ADGRL2: variants seen among roughly 807,000 people sequenced by gnomAD.
The protein encoded by ADGRL2 is adhesion G protein-coupled receptor L2, also known as calcium-independent alpha-latrotoxin receptor 2.
Under a neutral mutation model 157.4 loss-of-function variants are expected in ADGRL2, and 44 were observed. The ratio of observed to expected loss-of-function variants is 0.28; its 90% CI spans 0.22 to 0.36. The LOEUF is 0.36. ADGRL2 is among the 10% of genes least tolerant of loss of function. The pLI is 1.00. For missense variants in ADGRL2, 1,510 were observed against 1,768.9 expected, an observed-to-expected ratio of 0.85 and a Z score of 2.63; for synonymous variants, 585 against 624.7, an observed-to-expected ratio of 0.94 and a Z score of 0.95.
chr1:81,728,674 T>C (rs2084620088), intron 1 of ADGRL2, among the ~76,000 whole-genome samples: 1 of 152,184 alleles, frequency 6.6e-6, no homozygotes, highest in Admixed American at 6.5e-5. Flanking sequence ...AAACATCTCA[T>C]GGGGCTGTCT....
chr1:81,420,996 C>T (rs1206106789), intron 1 of ADGRL2, among the ~76,000 whole-genome samples: 2 of 152,144 alleles, frequency 1.3e-5, no homozygotes, highest in African/African-American at 2.4e-5. Context: ...GACAGAAGGG[C>T]CAAGACTGAA....
At chr1:81,569,272 C>T (rs757092878) in intron 2 of ADGRL2, among the ~76,000 whole-genome samples, 3 of 152,012 alleles carry the variant, frequency 2.0e-5, no homozygotes, top group African/African-American at 4.8e-5. Flanking sequence ...CATTTTTCCA[C>T]GAGACAATTA....
intron 3 of ADGRL2, among the ~76,000 whole-genome samples, chr1:81,691,059 C>T (rs753102570): frequency 7.2e-5 from 11 of 152,198 alleles, no homozygotes; most frequent in Non-Finnish European, 1.6e-4. Context: ...AAAGAGTACA[C>T]ATTCCACAGA....
chr1:81,582,527 T>A (rs2080937049), intron 3 of ADGRL2, among the ~76,000 whole-genome samples: 1 of 151,802 alleles, frequency 6.6e-6, no homozygotes. Flanking sequence ...GCATCAAAAG[T>A]ATAAAGGTGA....
At chr1:81,461,173 A>C (rs1216228664) in intron 2 of ADGRL2, among the ~76,000 whole-genome samples, 1 of 152,094 alleles carries the variant, frequency 6.6e-6, no homozygotes, top group Non-Finnish European at 1.5e-5. Context: ...GATATTTCTA[A>C]GTTTTTAAAG....
chr1:81,839,552 C>T (rs1368895429), intron 2 of ADGRL2, among the ~76,000 whole-genome samples: 1 of 151,648 alleles, frequency 6.6e-6, no homozygotes, highest in Non-Finnish European at 1.5e-5. Flanking sequence ...CCCCCCAAGT[C>T]CCCAGAATCC....
chr1:81,451,884 T>C (rs1008738954), intron 2 of ADGRL2, among the ~76,000 whole-genome samples: 2 of 152,216 alleles, frequency 1.3e-5, no homozygotes, highest in Admixed American at 1.3e-4. Context: ...CACGGCATTA[T>C]AAAATAATAC....
At chr1:81,953,864 A>G (rs1557989880) in intron 10 of ADGRL2, among the ~76,000 whole-genome samples, 1 of 152,224 alleles carries the variant, frequency 6.6e-6, no homozygotes, top group Non-Finnish European at 1.5e-5. Context: ...TGTGACAAGA[A>G]AACAAAAGAA....
intron 15 of ADGRL2, 115 bp downstream of exon 15, chr1:81,969,502 C>A: frequency 1.5e-6 from 1 of 653,402 alleles, no homozygotes; most frequent in Non-Finnish European, 2.6e-6. Context: ...AGAATTGATA[C>A]GGCAATATTG....
chr1:81,762,816 G>C (rs1331955833), intron 2 of ADGRL2, among the ~76,000 whole-genome samples: 1 of 152,030 alleles, frequency 6.6e-6, no homozygotes, highest in Non-Finnish European at 1.5e-5. Flanking sequence ...ACTTTGAGAG[G>C]CCGAGGCAGG....
chr1:81,594,494 T>C (rs1451039795), intron 3 of ADGRL2, among the ~76,000 whole-genome samples: 1 of 152,226 alleles, frequency 6.6e-6, no homozygotes, highest in Non-Finnish European at 1.5e-5. Flanking sequence ...AGTTTCCTTA[T>C]TATAAGGAAA....
At chr1:81,573,909 A>T (rs1402523430) in intron 2 of ADGRL2, among the ~76,000 whole-genome samples, 1 of 152,172 alleles carries the variant, frequency 6.6e-6, no homozygotes, top group East Asian at 1.9e-4. Context: ...AGACAACAAT[A>T]GTTTTTCAAT....
At chr1:81,407,409 T>C (rs1349377786) in intron 1 of ADGRL2, among the ~76,000 whole-genome samples, 1 of 152,186 alleles carries the variant, frequency 6.6e-6, no homozygotes, top group Non-Finnish European at 1.5e-5. Flanking sequence ...GAGACCCAAT[T>C]CCATCCTGAA....
chr1:81,713,945 T>C (rs1486884921), intron 1 of ADGRL2, among the ~76,000 whole-genome samples: 1 of 152,188 alleles, frequency 6.6e-6, no homozygotes, highest in Non-Finnish European at 1.5e-5. Flanking sequence ...CAGTTCCACA[T>C]GGCTGGGGAG....
At chr1:81,676,692 A>T (rs930132187) in intron 3 of ADGRL2, among the ~76,000 whole-genome samples, 3 of 151,258 alleles carry the variant, frequency 2.0e-5, no homozygotes, top group Non-Finnish European at 4.4e-5. Context: ...ATTTTATTTT[A>T]TTTTATTTTT....
intron 2 of ADGRL2, among the ~76,000 whole-genome samples, chr1:81,860,345 A>C (rs1329311944): frequency 6.6e-6 from 1 of 152,064 alleles, no homozygotes; most frequent in African/African-American, 2.4e-5. Flanking sequence ...TTATTTATTA[A>C]CTTCCTATTT....
chr1:81,651,719 T>C (rs926089165), intron 3 of ADGRL2, among the ~76,000 whole-genome samples: 1 of 152,066 alleles, frequency 6.6e-6, no homozygotes, highest in Non-Finnish European at 1.5e-5. Flanking sequence ...AACCAGGAGA[T>C]TTTGTTTGTT....
At chr1:81,378,348 C>T (rs920333546) in intron 1 of ADGRL2, among the ~76,000 whole-genome samples, 2 of 151,710 alleles carry the variant, frequency 1.3e-5, no homozygotes, top group Non-Finnish European at 2.9e-5. Context: ...CCCAGGAGTT[C>T]GAGACCAGCC....
chr1:81,442,762 G>C (rs1234669587), intron 1 of ADGRL2, among the ~76,000 whole-genome samples: 1 of 152,194 alleles, frequency 6.6e-6, no homozygotes, highest in Non-Finnish European at 1.5e-5. Context: ...GCCCTCAGGA[G>C]AGTAGCACAG....
Sources: gnomAD v4.1 joint callset for allele counts (sites outside exome capture counted in the v4.1 genomes callset) on GRCh38, gnomAD v4.1.1 for gene constraint, MANE v1.5 for transcripts, NCBI Gene and HGNC (gene_info 2026-07-23, HGNC 2026-07-21) for gene names.